The following BEND5 variants were observed in gnomAD, a reference collection of about 807,000 sequenced individuals.
BEND5 encodes the protein BEN domain-containing protein 5.
A neutral mutation model predicts 43.9 loss-of-function variants in BEND5; 22 were observed. The observed-to-expected ratio is 0.50, with a 90% CI of 0.36 to 0.72. BEND5 has a LOEUF of 0.72. BEND5 is among the 30% of genes least tolerant of loss of function. The pLI is 0.00. For synonymous variants in BEND5, 228 were observed against 225.9 expected, an observed-to-expected ratio of 1.01 and a Z score of -0.08; for missense variants, 428 against 550.6, an observed-to-expected ratio of 0.78 and a Z score of 2.23.
chr1:48,745,852 C>T (rs868425830), intron 3 of BEND5, among the ~76,000 whole-genome samples: 1 of 152,118 alleles, frequency 6.6e-6, no homozygotes, highest in Non-Finnish European at 1.5e-5. Flanking sequence ...TTTGCACTCT[C>T]CCCACCCCTC....
At chr1:48,752,010 C>T (rs188855365) in intron 3 of BEND5, among the ~76,000 whole-genome samples, 1 of 152,196 alleles carries the variant, frequency 6.6e-6, no homozygotes, top group Non-Finnish European at 1.5e-5. Flanking sequence ...ACAAACTACT[C>T]CACTTCTTAT....
chr1:48,742,606 T>C lies in BEND5; in HGVS notation c.894+17A>G. 6.6e-7 allele frequency: 1 copy of C among 1,520,276 alleles called. No homozygotes were observed. The highest frequency in any genetic ancestry group is 8.9e-7 in the Non-Finnish European group (1 of 1,126,332). The allele number at this position is 1,520,276 out of a possible 1,614,324, so 94.2% of individuals were successfully genotyped here. A position where few individuals can be genotyped will look rare whatever the true frequency, so the allele number is the denominator to read the frequency against. On this transcript the variant is annotated intron_variant, in intron 4 of 5. Coordinates refer to ENST00000371833, the MANE Select transcript of BEND5 (RefSeq NM_024603.4). ...ACAAACACTTGCAGGGAATGGATAT[T>C]GAGCTTAAAACACTACCTTGCCATT...
chr1:48,746,772 A>G (rs1025674742), intron 3 of BEND5, among the ~76,000 whole-genome samples: 2 of 152,210 alleles, frequency 1.3e-5, no homozygotes, highest in Non-Finnish European at 2.9e-5. Context: ...GGGATTACCA[A>G]AAGCCACCAT....
chr1:48,730,433 G>T (rs1444332989), intron 5 of BEND5, among the ~76,000 whole-genome samples: 3 of 152,170 alleles, frequency 2.0e-5, no homozygotes, highest in Admixed American at 6.5e-5. Context: ...GAGAATCTAA[G>T]AAGATTCCCC....
At chr1:48,760,465 G>A (rs10493136) in intron 2 of BEND5, among the ~76,000 whole-genome samples, 29,498 of 152,156 alleles carry the variant, frequency 0.19, 3,593 homozygotes, top group East Asian at 0.39. Context: ...ATCGTAAGTC[G>A]TTTTATCTGC....
chr1:48,766,797 G>C (rs1463729816), intron 1 of BEND5, among the ~76,000 whole-genome samples: 1 of 152,182 alleles, frequency 6.6e-6, no homozygotes, highest in East Asian at 1.9e-4. Flanking sequence ...TTCCCAGAGT[G>C]AGGGTCGGGA....
chr1:48,753,911 C>T (rs1652123645), intron 3 of BEND5, among the ~76,000 whole-genome samples: 1 of 152,182 alleles, frequency 6.6e-6, no homozygotes, highest in African/African-American at 2.4e-5. Context: ...AAATCTAAAA[C>T]CATCATCTGC....
At chr1:48,746,330 A>C (rs1310219832) in intron 3 of BEND5, among the ~76,000 whole-genome samples, 1 of 152,118 alleles carries the variant, frequency 6.6e-6, no homozygotes, top group East Asian at 1.9e-4. Flanking sequence ...GGTTCTGTGA[A>C]ACAGAGGCCC....
At chr1:48,750,768 A>C (rs922420631) in intron 3 of BEND5, among the ~76,000 whole-genome samples, 2 of 152,172 alleles carry the variant, frequency 1.3e-5, no homozygotes, top group Non-Finnish European at 2.9e-5. Flanking sequence ...TCTCTAGTGG[A>C]ATGTTACTGG....
rs770892740 is a variant in BEND5, at chr1:48,764,809, A to T, written c.227-3339T>A. ...AAATCAGCTCAGTAAATGTTCCTTG[A>T]AAACAATAGAGCCCCGTGCAGACAA... On this transcript the variant is annotated intron_variant, in intron 1 of 5. Transcript: ENST00000371833. Among the ~76,000 whole-genome samples, 29 of 152,206 alleles carry T rather than the reference A, an allele frequency of 1.9e-4. 1 individual carries two copies. Among genetic ancestry groups the T allele is most frequent in the Admixed American group, 1.3e-4 (2 of 15,286 alleles).
At chr1:48,758,188 C>G (rs564333490) in intron 3 of BEND5, among the ~76,000 whole-genome samples, 20 of 152,348 alleles carry the variant, frequency 1.3e-4, no homozygotes, top group African/African-American at 4.6e-4. Context: ...TTCCTAAGGT[C>G]ATGTGCCTCC....
chr1:48,736,092 G>A lies in BEND5; in HGVS notation c.1108+147C>T. On this transcript the variant is annotated intron_variant, in intron 5 of 5. Coordinates refer to ENST00000371833, the MANE Select transcript of BEND5 (RefSeq NM_024603.4). This position sits in a 1 kb window ranked among gnomAD's most constrained non-coding sequence, Gnocchi z 4.0. ...AATGTGAGCTCTTCTGGGGCATTTGGGTTATCCGCTTGGTGTCCCCGGGCT... is the reference window on the plus strand; with the variant it reads ...AATGTGAGCTCTTCTGGGGCATTTGAGTTATCCGCTTGGTGTCCCCGGGCT... The A allele has an allele frequency of 4.9e-6, 4 of 812,620 alleles. No individual in the cohort carries two copies. The highest frequency in any genetic ancestry group is 6.0e-6 in the Non-Finnish European group (3 of 503,266). The allele number at this position is 812,620 out of a possible 1,614,324, so 50.3% of individuals were successfully genotyped here.
intron 4 of BEND5, among the ~76,000 whole-genome samples, chr1:48,740,565 T>C (rs890380005): frequency 6.6e-6 from 1 of 152,254 alleles, no homozygotes; most frequent in African/African-American, 2.4e-5. Flanking sequence ...AGTATACTAT[T>C]TGACCAAAGT....
In BEND5 at chr1:48,743,322, G is replaced by A. The variant is rs562064084; in HGVS notation, c.746-551C>T. On this transcript the variant is annotated intron_variant, in intron 3 of 5. Coordinates refer to ENST00000371833, the MANE Select transcript of BEND5 (RefSeq NM_024603.4). ...AAGCCCCTGATTGCCTGATCCAGCA[G>A]CTACTCTGATTTTTATTTTAATGCA... 3.3e-5 allele frequency among the ~76,000 whole-genome samples: 5 copies of A among 152,282 alleles called. No homozygotes were observed. The South Asian group carries it at 8.3e-4, about 25-fold the overall frequency.
At position 48,759,183 on chromosome 1, in the gene BEND5, C is replaced by T. The variant is rs773513345; in HGVS notation, c.462G>A (p.Thr154=). 23 of 1,613,686 alleles carry T rather than the reference C, an allele frequency of 1.4e-5. No individual in the cohort carries two copies. Among genetic ancestry groups the T allele is most frequent in the Admixed American group, 3.3e-5 (2 of 59,948 alleles). Residue 154 remains threonine (T), a synonymous_variant, in exon 3 of 6, where the codon ACG becomes ACA. Coordinates refer to ENST00000371833, the MANE Select transcript of BEND5 (RefSeq NM_024603.4). The part of the protein sequence containing the change: ...KQNGLSLGHS[T]CPEEVFVEAS... ...CCTCCACGAAGACCTCTTCCGGACA[C>T]GTGCTATGGCCCAGGCTCAGGCCGT... is the stretch of plus-strand genomic sequence containing the variant.
chr1:48,769,110 C>T (rs1366552256), intron 1 of BEND5, among the ~76,000 whole-genome samples: 1 of 152,212 alleles, frequency 6.6e-6, no homozygotes, highest in Non-Finnish European at 1.5e-5. Context: ...AAAACCTTAA[C>T]AGATCCATCC....
chr1:48,774,148 G>C (rs1162868257), intron 1 of BEND5, among the ~76,000 whole-genome samples: 1 of 152,236 alleles, frequency 6.6e-6, no homozygotes, highest in Non-Finnish European at 1.5e-5. Flanking sequence ...TTGTGTCAGA[G>C]AGATTAATTA....
At chr1:48,749,674 G>A (rs1651349449) in intron 3 of BEND5, among the ~76,000 whole-genome samples, 1 of 152,182 alleles carries the variant, frequency 6.6e-6, no homozygotes, top group South Asian at 2.1e-4. Flanking sequence ...ACAATCATGA[G>A]GGGTGCGGTG....
intron 3 of BEND5, among the ~76,000 whole-genome samples, chr1:48,749,511 G>C (rs892342238): frequency 6.6e-6 from 1 of 152,138 alleles, no homozygotes; most frequent in Non-Finnish European, 1.5e-5. Flanking sequence ...TCAAACTCAG[G>C]GTTGTCAGAT....
Sources: gnomAD v4.1 joint callset for allele counts (sites outside exome capture counted in the v4.1 genomes callset) on GRCh38, gnomAD v4.1.1 for gene constraint, Gnocchi (gnomAD v3.1) non-coding constraint, MANE v1.5 for transcripts, NCBI Gene and HGNC (gene_info 2026-07-23, HGNC 2026-07-21) for gene names.